GRHL3: variants seen among roughly 807,000 people sequenced by gnomAD.
GRHL3 encodes grainyhead like transcription factor 3.
In GRHL3, 20 loss-of-function variants were observed where a neutral mutation model predicts 70.3. The observed-to-expected ratio is 0.28, with a 90% CI of 0.20 to 0.41. The LOEUF (loss-of-function observed/expected upper bound fraction) is 0.41. Ranked by LOEUF, GRHL3 falls within the 10% of genes least tolerant of loss-of-function variation. The probability of loss-of-function intolerance (pLI) is 1.00; values close to 1 mark genes in which losing one functional copy is unlikely to be tolerated. For synonymous variants in GRHL3, 299 were observed against 299.9 expected (o/e 1.00, Z 0.03); for missense variants, 637 against 762.3 (o/e 0.84, Z 1.94).
chr1:24,339,028 T>C (rs1639934231), intron 7 of GRHL3, among the ~76,000 whole-genome samples: 1 of 152,238 alleles, frequency 6.6e-6, no homozygotes, highest in Non-Finnish European at 1.5e-5. Context: ...ACCATACTGC[T>C]GCTGCTGCTT....
In GRHL3 at chr1:24,334,117, G is replaced by A. The variant is rs1175000183; in HGVS notation, c.205-528G>A. On this transcript the variant is annotated intron_variant, in intron 2 of 15. Transcript: ENST00000361548. The surrounding 1 kb of genome is among the most constrained non-coding windows in gnomAD (Gnocchi z 4.3). ...GGTTCTTCTTCCCACTCCCTGACTTGGGGCTCAGACTAATCATAGCTAGAG... is the reference window on the plus strand; with the variant it reads ...GGTTCTTCTTCCCACTCCCTGACTTAGGGCTCAGACTAATCATAGCTAGAG... Among the ~76,000 whole-genome samples the A allele has an allele frequency of 6.6e-6, 1 of 152,088 alleles. No individual in the cohort carries two copies. The highest frequency in any genetic ancestry group is 1.5e-5 in the Non-Finnish European group (1 of 68,018).
chr1:24,360,115 C>T (rs972906418), downstream of GRHL3, among the ~76,000 whole-genome samples: 1 of 152,164 alleles, frequency 6.6e-6, no homozygotes, highest in Non-Finnish European at 1.5e-5. Context: ...AATAACCTGG[C>T]CACACTAGAC....
downstream of GRHL3, among the ~76,000 whole-genome samples, chr1:24,355,898 CTTTTT>C (rs59310312): frequency 0.25 from 35,761 of 144,712 alleles, 4,833 homozygotes; most frequent in East Asian, 0.42. Flanking sequence ...TTTCATTTAT[CTTTTT>C]TTTTTTTTTT....
At chr1:24,332,577 T>C (rs1639652337) in intron 2 of GRHL3, among the ~76,000 whole-genome samples, 1 of 152,222 alleles carries the variant, frequency 6.6e-6, no homozygotes. Context: ...TAGGCCCTAC[T>C]TATCTGTCTG....
downstream of GRHL3, chr1:24,357,027 C>T (rs1640751090): frequency 6.9e-6 from 1 of 144,506 alleles, no homozygotes; most frequent in Non-Finnish European, 1.5e-5. Context: ...AAGTTTAATG[C>T]AATATTTTTA....
chr1:24,337,783 AGTCAAG>A lies in GRHL3; in HGVS notation c.837_840+2del. 1 of 1,614,196 alleles carries A rather than the reference AGTCAAG, an allele frequency of 6.2e-7. No individual in the cohort carries two copies. Among genetic ancestry groups the A allele is most frequent in the Non-Finnish European group, 8.5e-7 (1 of 1,180,040 alleles). On this transcript the variant is annotated inframe_deletion and splice_region_variant, in exon 6 of 16. Transcript: ENST00000361548. The stretch of plus-strand genomic sequence containing the variant: ...AAGGCCTTGCCTTGTCCTCCAACAA[AGTCAAG>A]GTGCGTTGGCCTGGAGCAGCTTCAG...
At chr1:24,346,687 C>G in intron 13 of GRHL3, 46 bp downstream of exon 13, 1 of 1,428,814 alleles carries the variant, frequency 7.0e-7, no homozygotes, top group Non-Finnish European at 9.8e-7. Context: ...CACCCCAGCT[C>G]CCACCTCCCT....
intron 5 of GRHL3, chr1:24,337,412 T>C (rs1639864901): frequency 5.0e-6 from 3 of 599,786 alleles, no homozygotes; most frequent in East Asian, 5.6e-5. Flanking sequence ...CTCAAGGTTC[T>C]CTCTAATTTT....
chr1:24,345,433 C>T (rs1269471085), intron 12 of GRHL3, among the ~76,000 whole-genome samples: 1 of 151,202 alleles, frequency 6.6e-6, no homozygotes, highest in African/African-American at 2.4e-5. Flanking sequence ...CCAGCTTCTG[C>T]CCCCAGCCCC....
chr1:24,350,269 C>T (rs1056713588), intron 15 of GRHL3, 147 bp downstream of exon 15: 15 of 612,446 alleles, frequency 2.4e-5, no homozygotes, highest in Non-Finnish European at 3.8e-5. Context: ...TCTCCATCTG[C>T]AGAGACCAGA....
At chr1:24,338,786 G>A (rs1639925128) in intron 7 of GRHL3, among the ~76,000 whole-genome samples, 1 of 152,240 alleles carries the variant, frequency 6.6e-6, no homozygotes, top group Non-Finnish European at 1.5e-5. Flanking sequence ...GGGTTCAGGA[G>A]CCAGACAGAT....
chr1:24,343,524 A>G (rs1463234945), intron 11 of GRHL3, among the ~76,000 whole-genome samples: 1 of 152,154 alleles, frequency 6.6e-6, no homozygotes, highest in Non-Finnish European at 1.5e-5. Context: ...CAGAGCCAGG[A>G]TCTGGACTGA....
chr1:24,343,893 G>C lies in GRHL3; in HGVS notation c.1419+868G>C, dbSNP rs371942850. Among the ~76,000 whole-genome samples the C allele has an allele frequency of 2.6e-4, 39 of 152,208 alleles. No individual in the cohort carries two copies. In the South Asian group the frequency reaches 7.9e-3, roughly 31 times the overall value. On this transcript the variant is annotated intron_variant, in intron 11 of 15. Transcript: ENST00000361548. ...TGTAGACAGTGGCGCTGAGAAGAGCGGCCAGTGCTGACAGAGCTTGGCACA... is the reference window on the plus strand; with the variant it reads ...TGTAGACAGTGGCGCTGAGAAGAGCCGCCAGTGCTGACAGAGCTTGGCACA...
Position 24,322,193 on chromosome 1 carries a change from C to T in GRHL3, c.17+2625C>T, listed in dbSNP as rs957491952. Among the ~76,000 whole-genome samples the T allele has an allele frequency of 3.3e-5, 5 of 152,156 alleles. No individual in the cohort carries two copies. Among genetic ancestry groups the T allele is most frequent in the Non-Finnish European group, 5.9e-5 (4 of 68,006 alleles). On this transcript the variant is annotated intron_variant, in intron 1 of 15. Transcript: ENST00000361548. This position sits in a 1 kb window ranked among gnomAD's most constrained non-coding sequence, Gnocchi z 4.4. ...ACACAGTAGGTCTAAGGCACCGAGG[C>T]AGGAGCGTCCCCCGCGGCCTCGCTC...
intron 15 of GRHL3, among the ~76,000 whole-genome samples, chr1:24,361,333 C>T (rs934219886): frequency 6.6e-6 from 1 of 152,286 alleles, no homozygotes; most frequent in East Asian, 1.9e-4. Context: ...ACAGTGAGAG[C>T]TCAGTGTGCA....
chr1:24,342,035 T>C lies in GRHL3; in HGVS notation c.1048-80T>C. On this transcript the variant is annotated intron_variant, in intron 8 of 15. Coordinates refer to ENST00000361548, the MANE Select transcript of GRHL3 (RefSeq NM_198173.3). The surrounding 1 kb of genome is among the most constrained non-coding windows in gnomAD (Gnocchi z 4.8). ...GGTGAGCAGCAGGCACACAGAAAGCTAGAAATACAGGATCACTGTGGGACG... is the reference window on the plus strand; with the variant it reads ...GGTGAGCAGCAGGCACACAGAAAGCCAGAAATACAGGATCACTGTGGGACG... 7.4e-7 allele frequency: 1 copy of C among 1,356,894 alleles called. No homozygotes were observed. The highest frequency in any genetic ancestry group is 2.4e-5 in the East Asian group (1 of 41,638). 84.1% of individuals were successfully genotyped at this position (1,356,894 alleles called of 1,614,324 possible). A position where few individuals can be genotyped will look rare whatever the true frequency, so the allele number is the denominator to read the frequency against.
At chr1:24,325,182 G>A (rs542251040) in intron 1 of GRHL3, among the ~76,000 whole-genome samples, 2 of 152,240 alleles carry the variant, frequency 1.3e-5, no homozygotes, top group African/African-American at 4.8e-5. Context: ...CAGCTCAGGC[G>A]GCCCCTGGAA....
intron 14 of GRHL3, among the ~76,000 whole-genome samples, chr1:24,348,491 C>T (rs957165715): frequency 1.3e-5 from 2 of 152,184 alleles, no homozygotes; most frequent in Middle Eastern, 3.2e-3. Context: ...GCTGGGCTCA[C>T]AAAAGACCAT....
chr1:24,356,198 C>T (rs1640712327), downstream of GRHL3, among the ~76,000 whole-genome samples: 1 of 151,162 alleles, frequency 6.6e-6, no homozygotes, highest in East Asian at 2.0e-4. Flanking sequence ...TGCACCTGGC[C>T]AGTTTTTGTC....
Sources: allele counts gnomAD v4.1 joint callset (sites outside exome capture counted in the v4.1 genomes callset), GRCh38; gene constraint gnomAD v4.1.1; non-coding constraint Gnocchi (gnomAD v3.1); transcripts MANE v1.5; gene names NCBI Gene and HGNC (gene_info 2026-07-23, HGNC 2026-07-21).